IL19: variants seen among roughly 807,000 people sequenced by gnomAD.
IL19 encodes interleukin-19.
IL19 carries 15 observed loss-of-function variants against 19.5 expected under a neutral mutation model. The ratio of observed to expected loss-of-function variants is 0.77; its 90% CI spans 0.52 to 1.19. The LOEUF is 1.19. Ranked by LOEUF, IL19 falls within the 50% of genes most tolerant of loss-of-function variation. The pLI, the probability that IL19 is intolerant of heterozygous loss-of-function variation, is 0.00. For missense variants in IL19, 199 were observed against 213.1 expected, an observed-to-expected ratio of 0.93 and a Z score of 0.41; for synonymous variants, 78 against 78.3, an observed-to-expected ratio of 1.00 and a Z score of 0.02.
chr1:206,784,959 T>C (rs1675235404), intron 1 of IL19, among the ~76,000 whole-genome samples: 1 of 152,236 alleles, frequency 6.6e-6, no homozygotes, highest in Non-Finnish European at 1.5e-5. Context: ...CATGGGATCC[T>C]GGATTCCCGT....
chr1:206,819,791 T>C (rs1434438607), intron 2 of IL19, among the ~76,000 whole-genome samples: 1 of 152,222 alleles, frequency 6.6e-6, no homozygotes, highest in African/African-American at 2.4e-5. Context: ...TGGCCGCTTA[T>C]TGAGCACTTA....
chr1:206,791,475 G>A (rs1324753169), intron 1 of IL19, among the ~76,000 whole-genome samples: 3 of 152,046 alleles, frequency 2.0e-5, no homozygotes, highest in African/African-American at 4.8e-5. Flanking sequence ...GCTAATTTTT[G>A]TATTTTTAGT....
intron 2 of IL19, among the ~76,000 whole-genome samples, chr1:206,821,277 C>G (rs549219360): frequency 6.6e-6 from 1 of 152,290 alleles, no homozygotes; most frequent in East Asian, 1.9e-4. Context: ...GCAACAGGAC[C>G]TGGCACCTGT....
chr1:206,838,503 C>T (rs1676877684), intron 4 of IL19, among the ~76,000 whole-genome samples: 1 of 152,166 alleles, frequency 6.6e-6, no homozygotes, highest in Non-Finnish European at 1.5e-5. Flanking sequence ...GTATTATAGA[C>T]ACAGAAGATA....
intron 1 of IL19, among the ~76,000 whole-genome samples, chr1:206,798,115 C>T (rs951212893): frequency 6.6e-6 from 1 of 152,216 alleles, no homozygotes; most frequent in African/African-American, 2.4e-5. Flanking sequence ...TGACATTCCC[C>T]AGACCTCTTG....
chr1:206,789,718 G>T (rs1675348965), intron 1 of IL19, among the ~76,000 whole-genome samples: 1 of 152,004 alleles, frequency 6.6e-6, no homozygotes, highest in Non-Finnish European at 1.5e-5. Flanking sequence ...TATTTTTCCT[G>T]ATCCTTTCCC....
intron 1 of IL19, among the ~76,000 whole-genome samples, chr1:206,779,765 G>A (rs1675087556): frequency 6.6e-6 from 1 of 151,262 alleles, no homozygotes; most frequent in Non-Finnish European, 1.5e-5. Flanking sequence ...TTCAACTTGC[G>A]GCACTCTTCA....
chr1:206,816,521 T>C (rs1248758869), intron 2 of IL19, among the ~76,000 whole-genome samples: 1 of 151,844 alleles, frequency 6.6e-6, no homozygotes, highest in Non-Finnish European at 1.5e-5. Context: ...GCCACTAATA[T>C]AATAAAACAA....
At position 206,800,060 on chromosome 1, in the gene IL19, A is replaced by G. The variant is rs186917471; in HGVS notation, c.-3+1054A>G. Among the ~76,000 whole-genome samples the G allele has an allele frequency of 3.8e-3, 581 of 152,364 alleles. 9 individuals are homozygous for G. The highest frequency in any genetic ancestry group is 0.027 in the Admixed American group (416 of 15,312). On this transcript the variant is annotated intron_variant, in intron 2 of 6. Coordinates refer to ENST00000659997, the MANE Select transcript of IL19 (RefSeq NM_153758.5). ...TCATTGATAATCTTCAGATAAATCAATTTTCAGGAACTTAAGCAACTTGGC... is the reference window on the plus strand; with the variant it reads ...TCATTGATAATCTTCAGATAAATCAGTTTTCAGGAACTTAAGCAACTTGGC...
intron 3 of IL19, 53 bp downstream of exon 3, chr1:206,836,859 A>G (rs1364870015): frequency 6.2e-7 from 1 of 1,609,970 alleles, no homozygotes; most frequent in African/African-American, 1.3e-5. Flanking sequence ...CTCCCCTTAC[A>G]TCTTAGCTTG....
chr1:206,837,555 A>G lies in IL19; in HGVS notation c.210+532A>G, dbSNP rs2243195. ...AGCCAGGCTGAGCCTCAGGCTTATA[A>G]TACAGACAATAGGCTGGGTGCAGTG... On this transcript the variant is annotated intron_variant, in intron 4 of 6. Coordinates refer to ENST00000659997, the MANE Select transcript of IL19 (RefSeq NM_153758.5). 3.6e-3 allele frequency among the ~76,000 whole-genome samples: 545 copies of G among 152,260 alleles called. 1 individual carries two copies. The highest frequency in any genetic ancestry group is 6.2e-3 in the Non-Finnish European group (424 of 68,024).
chr1:206,816,913 A>C (rs1052470351), intron 2 of IL19, among the ~76,000 whole-genome samples: 3 of 152,222 alleles, frequency 2.0e-5, no homozygotes. Flanking sequence ...TTTTGGGCTT[A>C]TAAGATAGCA....
intron 2 of IL19, among the ~76,000 whole-genome samples, chr1:206,834,851 G>C (rs1017498060): frequency 6.6e-6 from 1 of 152,202 alleles, no homozygotes; most frequent in African/African-American, 2.4e-5. Flanking sequence ...TGTAAGTGGG[G>C]TGGAGTAGCA....
At chr1:206,816,311 A>T (rs551997144) in intron 2 of IL19, among the ~76,000 whole-genome samples, 2 of 152,300 alleles carry the variant, frequency 1.3e-5, no homozygotes, top group African/African-American at 4.8e-5. Flanking sequence ...AATTATTTTT[A>T]AAAAATAATG....
At chr1:206,814,022 T>G (rs900023328) in intron 2 of IL19, among the ~76,000 whole-genome samples, 1 of 152,222 alleles carries the variant, frequency 6.6e-6, no homozygotes, top group Non-Finnish European at 1.5e-5. Context: ...GTTAATTTCT[T>G]GAAATAAATC....
intron 2 of IL19, among the ~76,000 whole-genome samples, chr1:206,814,286 T>C (rs1676091462): frequency 6.6e-6 from 1 of 151,852 alleles, no homozygotes; most frequent in Admixed American, 6.6e-5. Flanking sequence ...AGAACATTGC[T>C]TAGGCAGAGA....
At chr1:206,798,774 TGC>T in intron 1 of IL19, 85 bp from the exon 2 acceptor site, 1 of 656,874 alleles carries the variant, frequency 1.5e-6, no homozygotes, top group Non-Finnish European at 2.6e-6. Context: ...TTGCCGTGTG[TGC>T]ACTTTTGCCG....
chr1:206,791,467 T>C (rs1675402442), intron 1 of IL19, among the ~76,000 whole-genome samples: 1 of 152,134 alleles, frequency 6.6e-6, no homozygotes, highest in South Asian at 2.1e-4. Context: ...CATGCCCAGC[T>C]AATTTTTGTA....
chr1:206,837,139 A>T (rs1049462544), intron 4 of IL19, 116 bp downstream of exon 4: 2 of 802,560 alleles, frequency 2.5e-6, no homozygotes, highest in African/African-American at 3.4e-5. Flanking sequence ...AATGTACTCT[A>T]AATGCACCAG....
Sources: gnomAD v4.1 joint callset for allele counts (sites outside exome capture counted in the v4.1 genomes callset) on GRCh38, gnomAD v4.1.1 for gene constraint, MANE v1.5 for transcripts, NCBI Gene and HGNC (gene_info 2026-07-23, HGNC 2026-07-21) for gene names.